GPATCH2: variants seen among roughly 807,000 people sequenced by gnomAD.
GPATCH2 encodes the protein G-patch domain containing 2.
A neutral mutation model predicts 58.0 loss-of-function variants in GPATCH2; 51 were observed. The observed-to-expected ratio is 0.88, with a 90% confidence interval of 0.70 to 1.11. The LOEUF (loss-of-function observed/expected upper bound fraction) is 1.11. Among genes scored for constraint, GPATCH2 ranks in the 50% most tolerant of loss-of-function variants. The pLI is 0.00. For synonymous variants in GPATCH2, 222 were observed against 218.5 expected, an observed-to-expected ratio of 1.02 and a Z score of -0.14; for missense variants, 625 against 652.2, an observed-to-expected ratio of 0.96 and a Z score of 0.45.
intron 8 of GPATCH2, among the ~76,000 whole-genome samples, chr1:217,489,432 AG>A (rs1661612848): frequency 6.6e-6 from 1 of 152,256 alleles, no homozygotes; most frequent in Non-Finnish European, 1.5e-5. Flanking sequence ...AAACAATTCA[AG>A]GACCTTACAT....
intron 5 of GPATCH2, among the ~76,000 whole-genome samples, chr1:217,602,110 C>T (rs1252529540): frequency 6.6e-6 from 1 of 152,168 alleles, no homozygotes; most frequent in Non-Finnish European, 1.5e-5. Context: ...AATGTACTCT[C>T]TATACTGCTG....
rs535045139 is a variant in GPATCH2, at chr1:217,628,067, T to A, written c.56+2849A>T. ...ACATACAGTAACTGTTCAATAAAAATTTACTGAACATATAACCTGAATTCC... is the reference window on the plus strand; with the variant it reads ...ACATACAGTAACTGTTCAATAAAAAATTACTGAACATATAACCTGAATTCC... On this transcript the variant is annotated intron_variant, in intron 1 of 9. Transcript: ENST00000366935. Among the ~76,000 whole-genome samples the A allele has an allele frequency of 9.2e-5, 14 of 152,100 alleles. No homozygotes were observed. In the South Asian group the frequency reaches 2.9e-3, roughly 32 times the overall value.
chr1:217,450,309 T>C (rs1050080944), intron 8 of GPATCH2, among the ~76,000 whole-genome samples: 20 of 152,056 alleles, frequency 1.3e-4, no homozygotes, highest in African/African-American at 4.3e-4. Context: ...TTAAAGAAAC[T>C]AATTTGAGAA....
At chr1:217,559,746 T>C (rs1558484023) in intron 5 of GPATCH2, among the ~76,000 whole-genome samples, 1 of 151,910 alleles carries the variant, frequency 6.6e-6, no homozygotes, top group Non-Finnish European at 1.5e-5. Flanking sequence ...AAACCAGAGA[T>C]TGAGCTGGGC....
rs192597988 is a variant in GPATCH2, at chr1:217,476,613, G to C, written c.1277+15067C>G. The stretch of plus-strand genomic sequence containing the variant: ...ATTGTGAGGCACTGAACCCAGTGCT[G>C]CCCTGTTATAGCAGAAATCAAAACG... On this transcript the variant is annotated intron_variant, in intron 8 of 9. Coordinates refer to ENST00000366935, the MANE Select transcript of GPATCH2 (RefSeq NM_018040.5). Among the ~76,000 whole-genome samples, 15 of 152,168 alleles carry C rather than the reference G, an allele frequency of 9.9e-5. No homozygotes were observed. In the East Asian group the frequency reaches 2.1e-3, roughly 22 times the overall value.
intron 1 of GPATCH2, among the ~76,000 whole-genome samples, chr1:217,628,004 A>T (rs999431729): frequency 6.6e-6 from 1 of 152,078 alleles, no homozygotes; most frequent in African/African-American, 2.4e-5. Context: ...TTAGGCAAAC[A>T]GTAAGTAGGA....
intron 5 of GPATCH2, among the ~76,000 whole-genome samples, chr1:217,516,105 A>G (rs1663132256): frequency 1.3e-5 from 2 of 150,856 alleles, no homozygotes; most frequent in African/African-American, 5.0e-5. Context: ...AGAATTTCAC[A>G]ACTTTCTTAT....
At chr1:217,560,758 C>A (rs1180041626) in intron 5 of GPATCH2, among the ~76,000 whole-genome samples, 4 of 152,214 alleles carry the variant, frequency 2.6e-5, no homozygotes, top group Non-Finnish European at 5.9e-5. Flanking sequence ...CATCCCAGGA[C>A]TCTTCCAACT....
At chr1:217,630,318 T>A (rs1669682502) in intron 1 of GPATCH2, among the ~76,000 whole-genome samples, 1 of 152,172 alleles carries the variant, frequency 6.6e-6, no homozygotes, top group South Asian at 2.1e-4. Context: ...AATATATTAT[T>A]CTAACATGAT....
At chr1:217,561,672 T>C (rs113290204) in intron 5 of GPATCH2, among the ~76,000 whole-genome samples, 4,177 of 152,256 alleles carry the variant, frequency 0.027, 203 homozygotes, top group African/African-American at 0.094. Context: ...GAGATAAATG[T>C]GGTTATCTAG....
intron 7 of GPATCH2, among the ~76,000 whole-genome samples, chr1:217,494,049 T>C (rs949381399): frequency 2.6e-5 from 4 of 152,192 alleles, no homozygotes; most frequent in African/African-American, 9.6e-5. Context: ...TAGGTTTCGA[T>C]AGTTCTCAGA....
At chr1:217,580,226 C>A (rs1012811550) in intron 5 of GPATCH2, among the ~76,000 whole-genome samples, 1 of 152,110 alleles carries the variant, frequency 6.6e-6, no homozygotes, top group African/African-American at 2.4e-5. Flanking sequence ...CACCATAAAT[C>A]TAAACTATCT....
intron 6 of GPATCH2, among the ~76,000 whole-genome samples, chr1:217,503,664 T>C (rs1662411105): frequency 6.6e-6 from 1 of 151,932 alleles, no homozygotes; most frequent in South Asian, 2.1e-4. Context: ...GAGTATTAGG[T>C]TGTGGTAAGA....
intron 8 of GPATCH2, among the ~76,000 whole-genome samples, chr1:217,458,206 G>T (rs1381336026): frequency 2.0e-5 from 3 of 152,058 alleles, no homozygotes; most frequent in Non-Finnish European, 4.4e-5. Context: ...CTCCTGCTTG[G>T]GAAACAGAGC....
intron 5 of GPATCH2, among the ~76,000 whole-genome samples, chr1:217,606,505 C>G (rs1183829661): frequency 6.6e-6 from 1 of 152,224 alleles, no homozygotes; most frequent in South Asian, 2.1e-4. Flanking sequence ...CGCCTGTAAT[C>G]CCAACACTCT....
At chr1:217,621,119 G>C (rs1669168398) in intron 1 of GPATCH2, among the ~76,000 whole-genome samples, 1 of 152,034 alleles carries the variant, frequency 6.6e-6, no homozygotes, top group African/African-American at 2.4e-5. Flanking sequence ...GGTTTCAAAG[G>C]GCCCATCATT....
intron 9 of GPATCH2, among the ~76,000 whole-genome samples, chr1:217,448,779 G>A (rs1257420973): frequency 6.6e-6 from 1 of 152,204 alleles, no homozygotes; most frequent in Non-Finnish European, 1.5e-5. Context: ...AGGAATCTAA[G>A]ACTGCTACAG....
rs1558399755 is a variant in GPATCH2, at chr1:217,449,344, A to G, written c.1278-7T>C. 1 of 1,527,552 alleles carries G rather than the reference A, an allele frequency of 6.5e-7. No individual in the cohort carries two copies. Among genetic ancestry groups the G allele is most frequent in the Admixed American group, 1.7e-5 (1 of 59,832 alleles). The allele number at this position is 1,527,552 out of a possible 1,614,324, so 94.6% of individuals were successfully genotyped here. ...TAAATGCATGCTTGTTTGCCTACGA[A>G]TAATTATCAGAAAAAACTATTAACA... On this transcript the variant is annotated splice_polypyrimidine_tract_variant and splice_region_variant and intron_variant, in intron 8 of 9. Transcript: ENST00000366935.
At chr1:217,442,342 G>A (rs111609884) in intron 9 of GPATCH2, among the ~76,000 whole-genome samples, 2 of 152,088 alleles carry the variant, frequency 1.3e-5, no homozygotes, top group African/African-American at 4.8e-5. Context: ...GGCCTCTTGT[G>A]GGGTGGAGGG....
Sources: allele counts gnomAD v4.1 joint callset (sites outside exome capture counted in the v4.1 genomes callset), GRCh38; gene constraint gnomAD v4.1.1; transcripts MANE v1.5; gene names NCBI Gene and HGNC (gene_info 2026-07-23, HGNC 2026-07-21).